Variants in MARCHF1 observed in about 807,000 individuals in gnomAD.
MARCHF1 encodes E3 ubiquitin-protein ligase MARCHF1.
In MARCHF1, 40 loss-of-function variants were observed where a neutral mutation model predicts 54.2. The observed-to-expected ratio is 0.74, with a 90% CI of 0.57 to 0.96. MARCHF1 has a LOEUF of 0.96. MARCHF1 is among the 40% of genes least tolerant of loss of function. The pLI is 0.00. For synonymous variants in MARCHF1, 236 were observed against 236.3 expected, an observed-to-expected ratio of 1.00 and a Z score of 0.01; for missense variants, 586 against 656.5, an observed-to-expected ratio of 0.89 and a Z score of 1.17.
intron 5 of MARCHF1, among the ~76,000 whole-genome samples, chr4:163,634,166 G>A (rs1742220649): frequency 6.6e-6 from 1 of 152,202 alleles, no homozygotes; most frequent in East Asian, 1.9e-4. Flanking sequence ...AGACCATAGA[G>A]ACTAGGAAGA....
intron 5 of MARCHF1, 57 bp from the exon 6 acceptor site, chr4:163,613,450 T>G (rs1447245695): frequency 3.1e-6 from 5 of 1,612,976 alleles, no homozygotes; most frequent in Non-Finnish European, 4.2e-6. Flanking sequence ...ATGGTTGATA[T>G]CTTGCTTTTT....
chr4:164,298,656 G>A (rs926851953), intron 1 of MARCHF1, among the ~76,000 whole-genome samples: 1 of 152,036 alleles, frequency 6.6e-6, no homozygotes, highest in Admixed American at 6.6e-5. Flanking sequence ...TCCTACCAGA[G>A]ATTAAAATAA....
intron 4 of MARCHF1, among the ~76,000 whole-genome samples, chr4:163,846,780 A>G (rs1449317139): frequency 2.6e-5 from 4 of 152,094 alleles, no homozygotes; most frequent in Non-Finnish European, 4.4e-5. Context: ...GAAAAGGTTT[A>G]ATATACAAGA....
At chr4:163,542,126 T>G (rs1738740837) in intron 9 of MARCHF1, among the ~76,000 whole-genome samples, 2 of 152,230 alleles carry the variant, frequency 1.3e-5, no homozygotes, top group Admixed American at 1.3e-4. Context: ...TTCAGTTTCC[T>G]TTAAGAAACG....
At chr4:164,199,511 A>T (rs150206076) in intron 1 of MARCHF1, among the ~76,000 whole-genome samples, 133 of 151,966 alleles carry the variant, frequency 8.8e-4, no homozygotes, top group African/African-American at 3.2e-3. Flanking sequence ...GCTGTTGTAG[A>T]GCCCGCCTGT....
chr4:163,814,711 T>C (rs1748487527), intron 4 of MARCHF1, among the ~76,000 whole-genome samples: 1 of 152,214 alleles, frequency 6.6e-6, no homozygotes, highest in African/African-American at 2.4e-5. Flanking sequence ...TTTGTTTCCA[T>C]TTGTGGTTCC....
intron 1 of MARCHF1, among the ~76,000 whole-genome samples, chr4:164,139,255 T>G (rs989622722): frequency 1.2e-4 from 19 of 152,264 alleles, no homozygotes; most frequent in Middle Eastern, 3.4e-3. Context: ...AAAAAAAATC[T>G]TGAAGGACAC....
At position 164,019,967 on chromosome 4, in the gene MARCHF1, C is replaced by T. The variant is rs79613946; in HGVS notation, c.-247-31258G>A. The stretch of plus-strand genomic sequence containing the variant: ...GAGATTACGGCAAAAACAGGCAAAA[C>T]TGAAATTTTTAATTCAAAAGTCCTC... On this transcript the variant is annotated intron_variant, in intron 2 of 9. Transcript: ENST00000514618. Among the ~76,000 whole-genome samples the T allele has an allele frequency of 7.0e-3, 1,071 of 152,240 alleles. 10 individuals are homozygous for T. Among genetic ancestry groups the T allele is most frequent in the East Asian group, 0.023 (121 of 5,172 alleles).
intron 2 of MARCHF1, among the ~76,000 whole-genome samples, chr4:164,077,791 C>T (rs138458159): frequency 0.047 from 7,121 of 152,264 alleles, 540 homozygotes; most frequent in African/African-American, 0.16. Context: ...AGCTCATCAT[C>T]GCTGGTCATT....
chr4:163,532,262 T>C (rs1035767005), intron 9 of MARCHF1, among the ~76,000 whole-genome samples: 1 of 151,858 alleles, frequency 6.6e-6, no homozygotes, highest in African/African-American at 2.4e-5. Flanking sequence ...TGAAACAGAA[T>C]AGCCCAGAAA....
chr4:163,534,818 A>G lies in MARCHF1; in HGVS notation c.1340-5772T>C, dbSNP rs2110877792. On this transcript the variant is annotated intron_variant, in intron 9 of 9. Coordinates refer to ENST00000514618, the MANE Select transcript of MARCHF1 (RefSeq NM_001394959.1). ...TACTTGGATTTGATTTATTTATACA[A>G]ATGCATTTGCAACGAACACGTGTTC... Among the ~76,000 whole-genome samples the G allele has an allele frequency of 2.0e-5, 3 of 152,102 alleles. No homozygotes were observed. In the East Asian group the frequency reaches 5.8e-4, roughly 29 times the overall value.
chr4:163,656,106 A>G (rs775723501), intron 5 of MARCHF1, among the ~76,000 whole-genome samples: 1 of 147,290 alleles, frequency 6.8e-6, no homozygotes, highest in Non-Finnish European at 1.5e-5. Flanking sequence ...CAAAAAACCA[A>G]TGAATCCAGG....
chr4:164,198,951 T>C (rs1015364808), intron 1 of MARCHF1, among the ~76,000 whole-genome samples: 5 of 152,220 alleles, frequency 3.3e-5, no homozygotes, highest in Non-Finnish European at 5.9e-5. Context: ...ATATATTTCC[T>C]GAAATCTTTA....
intron 3 of MARCHF1, among the ~76,000 whole-genome samples, chr4:163,875,514 C>A (rs1337596338): frequency 1.3e-5 from 2 of 150,476 alleles, no homozygotes; most frequent in Admixed American, 6.6e-5. Context: ...GCTATGAGAA[C>A]AACTCACAAA....
At chr4:163,565,165 G>A (rs1003861623) in intron 8 of MARCHF1, among the ~76,000 whole-genome samples, 1 of 152,268 alleles carries the variant, frequency 6.6e-6, no homozygotes, top group African/African-American at 2.4e-5. Context: ...ATAACTGCCT[G>A]TAGTAAACAG....
chr4:163,639,117 A>G (rs1168266073), intron 5 of MARCHF1, among the ~76,000 whole-genome samples: 1 of 152,158 alleles, frequency 6.6e-6, no homozygotes, highest in Non-Finnish European at 1.5e-5. Context: ...TGATTACACA[A>G]CAATGTGAAT....
intron 4 of MARCHF1, among the ~76,000 whole-genome samples, chr4:163,845,105 T>C (rs1579334231): frequency 6.6e-6 from 1 of 152,286 alleles, no homozygotes; most frequent in Non-Finnish European, 1.5e-5. Flanking sequence ...TGAGCACTTT[T>C]AGAGTAAACA....
At chr4:163,594,149 G>T (rs546664425) in intron 7 of MARCHF1, among the ~76,000 whole-genome samples, 1 of 152,238 alleles carries the variant, frequency 6.6e-6, no homozygotes, top group African/African-American at 2.4e-5. Context: ...AATGGAAGAT[G>T]TGGCATGGGA....
intron 4 of MARCHF1, among the ~76,000 whole-genome samples, chr4:163,820,687 A>G (rs1182203159): frequency 6.6e-6 from 1 of 152,094 alleles, no homozygotes; most frequent in Non-Finnish European, 1.5e-5. Context: ...CTAGTTGGAA[A>G]GCTACGGTGG....
Sources: gnomAD v4.1 joint callset for allele counts (sites outside exome capture counted in the v4.1 genomes callset) on GRCh38, gnomAD v4.1.1 for gene constraint, MANE v1.5 for transcripts, NCBI Gene and HGNC (gene_info 2026-07-23, HGNC 2026-07-21) for gene names.